VWC2L: variants seen among roughly 807,000 people sequenced by gnomAD.
VWC2L encodes the protein von Willebrand factor C domain containing 2 like, also known as von Willebrand factor C domain-containing protein 2-like.
Under a neutral mutation model 21.6 loss-of-function variants are expected in VWC2L, and 10 were observed. The ratio of observed to expected loss-of-function variants is 0.46; its 90% CI spans 0.29 to 0.78. VWC2L has a LOEUF of 0.78. VWC2L is among the 30% of genes least tolerant of loss of function. The pLI, the probability that VWC2L is intolerant of heterozygous loss-of-function variation, is 0.10. For missense variants in VWC2L, 209 were observed against 277.1 expected (o/e 0.75, Z 1.74); for synonymous variants, 96 against 94.3 (o/e 1.02, Z -0.10).
chr2:214,475,366 T>C (rs1688499620), intron 3 of VWC2L, among the ~76,000 whole-genome samples: 1 of 151,156 alleles, frequency 6.6e-6, no homozygotes, highest in African/African-American at 2.4e-5. Flanking sequence ...TGCTTGTTAG[T>C]AAACTAAAAC....
chr2:214,446,452 G>T (rs1388356198), intron 3 of VWC2L, among the ~76,000 whole-genome samples: 1 of 151,986 alleles, frequency 6.6e-6, no homozygotes, highest in Non-Finnish European at 1.5e-5. Context: ...TATACCAACA[G>T]GATTCCCTCT....
chr2:214,564,047 A>C (rs1484723329), intron 3 of VWC2L, among the ~76,000 whole-genome samples: 1 of 152,166 alleles, frequency 6.6e-6, no homozygotes, highest in Non-Finnish European at 1.5e-5. Flanking sequence ...GAGCCAAATC[A>C]TGAATGAACT....
chr2:214,564,197 T>C (rs1690025784), intron 3 of VWC2L, among the ~76,000 whole-genome samples: 1 of 152,168 alleles, frequency 6.6e-6, no homozygotes. Context: ...AAACATTCCA[T>C]GCCCATGGAT....
At chr2:214,511,844 T>C (rs931566712) in intron 3 of VWC2L, among the ~76,000 whole-genome samples, 1 of 146,600 alleles carries the variant, frequency 6.8e-6, no homozygotes, top group African/African-American at 2.5e-5. Flanking sequence ...ATATATACAC[T>C]TTATATATAT....
chr2:214,515,802 A>G (rs1418381901), intron 3 of VWC2L, among the ~76,000 whole-genome samples: 1 of 152,116 alleles, frequency 6.6e-6, no homozygotes, highest in African/African-American at 2.4e-5. Context: ...TGATCCACCC[A>G]TCTCGGCCTC....
chr2:214,419,465 C>T (rs974640885), intron 2 of VWC2L, among the ~76,000 whole-genome samples: 2 of 152,062 alleles, frequency 1.3e-5, no homozygotes, highest in African/African-American at 2.4e-5. Context: ...TTGACTATTT[C>T]CTTATACTTT....
intron 3 of VWC2L, among the ~76,000 whole-genome samples, chr2:214,442,900 A>G (rs1478165528): frequency 1.3e-5 from 2 of 152,228 alleles, no homozygotes; most frequent in Non-Finnish European, 2.9e-5. Context: ...TAGATTTTAC[A>G]GAGGAAATGC....
rs530188648 is a variant in VWC2L at position 214,525,778 on chromosome 2, T to C, written c.521-49894T>C. Among the ~76,000 whole-genome samples the C allele has an allele frequency of 7.3e-4, 111 of 152,318 alleles. No homozygotes were observed. In the Middle Eastern group the frequency reaches 0.01, roughly 14 times the overall value. The stretch of plus-strand genomic sequence containing the variant: ...GACATGAGCATTAAAAACAAATAAC[T>C]GTCCACTTGAATTGAAGGAACCTTT... On this transcript the variant is annotated intron_variant, in intron 3 of 3. Transcript: ENST00000312504.
chr2:214,549,484 G>A (rs759346956), intron 3 of VWC2L, among the ~76,000 whole-genome samples: 5 of 152,322 alleles, frequency 3.3e-5, no homozygotes, highest in African/African-American at 1.2e-4. Context: ...ATATTAAAAA[G>A]TTGGCTTAGG....
chr2:214,528,970 A>G (rs190017296), intron 3 of VWC2L, among the ~76,000 whole-genome samples: 2 of 152,322 alleles, frequency 1.3e-5, no homozygotes, highest in Admixed American at 1.3e-4. Flanking sequence ...ATTTTCACCT[A>G]CAAAAATAGC....
At chr2:214,550,757 C>G (rs1350837151) in intron 3 of VWC2L, among the ~76,000 whole-genome samples, 3 of 152,160 alleles carry the variant, frequency 2.0e-5, no homozygotes, top group African/African-American at 7.2e-5. Context: ...AACTCACATT[C>G]TGGTTTTTGA....
intron 3 of VWC2L, among the ~76,000 whole-genome samples, chr2:214,497,072 T>C (rs1688823102): frequency 6.6e-6 from 1 of 152,168 alleles, no homozygotes; most frequent in African/African-American, 2.4e-5. Flanking sequence ...AAAAAGCAAA[T>C]CCTATATTTC....
At chr2:214,529,028 T>C (rs1689390742) in intron 3 of VWC2L, among the ~76,000 whole-genome samples, 1 of 152,132 alleles carries the variant, frequency 6.6e-6, no homozygotes, top group South Asian at 2.1e-4. Flanking sequence ...ATAAACAAAT[T>C]ATACATCACT....
chr2:214,466,343 T>C (rs960338815), intron 3 of VWC2L, among the ~76,000 whole-genome samples: 1 of 152,176 alleles, frequency 6.6e-6, no homozygotes, highest in Non-Finnish European at 1.5e-5. Flanking sequence ...TGACAAGATA[T>C]CTACTGTTAT....
At chr2:214,478,780 G>A (rs1035109647) in intron 3 of VWC2L, among the ~76,000 whole-genome samples, 4 of 152,114 alleles carry the variant, frequency 2.6e-5, no homozygotes, top group Non-Finnish European at 5.9e-5. Context: ...AGCAGCTGTC[G>A]TGGTTCTGCC....
chr2:214,568,878 T>C (rs1173553330), intron 3 of VWC2L, among the ~76,000 whole-genome samples: 1 of 152,214 alleles, frequency 6.6e-6, no homozygotes, highest in East Asian at 1.9e-4. Flanking sequence ...ATCTTAATCC[T>C]ATTGCATGTG....
At chr2:214,447,610 A>G (rs1702857780) in intron 3 of VWC2L, among the ~76,000 whole-genome samples, 1 of 152,156 alleles carries the variant, frequency 6.6e-6, no homozygotes, top group African/African-American at 2.4e-5. Flanking sequence ...GCTGACAAAA[A>G]TAAAAACAAA....
At chr2:214,429,917 G>A (rs781442090) in intron 2 of VWC2L, among the ~76,000 whole-genome samples, 1 of 152,046 alleles carries the variant, frequency 6.6e-6, no homozygotes, top group Non-Finnish European at 1.5e-5. Flanking sequence ...TCCGCCTCCT[G>A]GGTTCAAGCA....
At chr2:214,555,621 T>C (rs1411544158) in intron 3 of VWC2L, among the ~76,000 whole-genome samples, 1 of 152,182 alleles carries the variant, frequency 6.6e-6, no homozygotes, top group Non-Finnish European at 1.5e-5. Flanking sequence ...TGGGGATATC[T>C]TTGAGCTAAG....
Sources: gnomAD v4.1 joint callset for allele counts (sites outside exome capture counted in the v4.1 genomes callset) on GRCh38, gnomAD v4.1.1 for gene constraint, MANE v1.5 for transcripts, NCBI Gene and HGNC (gene_info 2026-07-23, HGNC 2026-07-21) for gene names.